SORBS2: variants seen among roughly 807,000 people sequenced by gnomAD.
SORBS2 encodes the protein sorbin and SH3 domain-containing protein 2.
A neutral mutation model predicts 97.7 loss-of-function variants in SORBS2; 46 were observed. That is an observed-to-expected ratio of 0.47 (90% CI 0.37 to 0.60). SORBS2 has a LOEUF of 0.60. Ranked by LOEUF, SORBS2 falls within the 20% of genes least tolerant of loss-of-function variation. SORBS2 has a pLI of 0.00. For synonymous variants in SORBS2, 476 were observed against 473.4 expected, an observed-to-expected ratio of 1.01 and a Z score of -0.07; for missense variants, 1,316 against 1,282.3, an observed-to-expected ratio of 1.03 and a Z score of -0.40.
At chr4:185,672,640 G>GT (rs1389778757) in intron 4 of SORBS2, among the ~76,000 whole-genome samples, 3 of 152,204 alleles carry the variant, frequency 2.0e-5, no homozygotes, top group African/African-American at 7.2e-5. Flanking sequence ...GTGACCTGTA[G>GT]TTTTCTTCTT....
intron 1 of SORBS2, among the ~76,000 whole-genome samples, chr4:185,892,540 T>C (rs1228506336): frequency 1.3e-5 from 2 of 152,196 alleles, no homozygotes; most frequent in Admixed American, 6.5e-5. Context: ...GACAAGTGAA[T>C]GGGTAAACAA....
intron 2 of SORBS2, among the ~76,000 whole-genome samples, chr4:185,730,074 T>G (rs900495680): frequency 5.9e-5 from 9 of 152,154 alleles, no homozygotes; most frequent in African/African-American, 2.2e-4. Context: ...TGCCTCAGCC[T>G]CCCGAGTAGC....
rs576320036 is a variant in SORBS2, at chr4:185,684,697, G to C, written c.-197-5875C>G. 7 of 1,211,426 alleles carry C rather than the reference G, an allele frequency of 5.8e-6. No individual in the cohort carries two copies. In the South Asian group the frequency reaches 6.7e-5, roughly 12 times the overall value. 75.0% of individuals were successfully genotyped at this position (1,211,426 alleles called of 1,614,324 possible). On this transcript the variant is annotated intron_variant, in intron 2 of 20. Transcript: ENST00000284776. This position sits in a 1 kb window ranked among gnomAD's most constrained non-coding sequence, Gnocchi z 4.2. The stretch of plus-strand genomic sequence containing the variant: ...GCTTTTTACGTTTAGAACAAAAACA[G>C]TCAGAAGAGCTAGAAGCCATTCAAG...
chr4:185,653,401 G>A (rs532260299), intron 1 of SORBS2, among the ~76,000 whole-genome samples: 1 of 152,200 alleles, frequency 6.6e-6, no homozygotes, highest in Non-Finnish European at 1.5e-5. Context: ...TCGGACATGA[G>A]GGGAGCAGTA....
chr4:185,703,142 CAT>C (rs992362875), intron 2 of SORBS2, among the ~76,000 whole-genome samples: 11 of 152,174 alleles, frequency 7.2e-5, no homozygotes, highest in African/African-American at 2.2e-4. Context: ...TTATATATTA[CAT>C]GTCTTTCTAT....
At chr4:185,705,645 T>C (rs1208655876) in intron 2 of SORBS2, among the ~76,000 whole-genome samples, 2 of 151,762 alleles carry the variant, frequency 1.3e-5, no homozygotes. Flanking sequence ...GTTTTTTCAC[T>C]GCTATACACT....
chr4:185,669,991 G>GGC (rs1302106626), intron 4 of SORBS2, among the ~76,000 whole-genome samples: 1 of 152,156 alleles, frequency 6.6e-6, no homozygotes, highest in African/African-American at 2.4e-5. Context: ...GGCTGAGGCG[G>GGC]GCAGATCACC....
intron 2 of SORBS2, among the ~76,000 whole-genome samples, chr4:185,697,380 T>G (rs891479563): frequency 6.6e-6 from 1 of 152,190 alleles, no homozygotes; most frequent in Non-Finnish European, 1.5e-5. Flanking sequence ...CACACCCAGC[T>G]TAGCAACATG....
intron 12 of SORBS2, among the ~76,000 whole-genome samples, chr4:185,611,436 A>G (rs1045121879): frequency 2.0e-5 from 3 of 151,798 alleles, no homozygotes; most frequent in South Asian, 2.1e-4. Context: ...ATATATAAAA[A>G]TGAAGCTTTA....
intron 2 of SORBS2, chr4:185,771,065 C>A (rs1190535738): frequency 6.7e-6 from 1 of 148,974 alleles, no homozygotes; most frequent in East Asian, 2.0e-4. Flanking sequence ...ACTGCACCCT[C>A]CGCCTCCCAG....
In SORBS2 at chr4:185,653,428, T is replaced by C. The variant is rs184336107; in HGVS notation, c.25-700A>G. ...GGAGCAGTAGGCTGTAGTGGAAAGA[T>C]GAAATTAATGTAGAGTCTTGAACTA... is the stretch of plus-strand genomic sequence containing the variant. On this transcript the variant is annotated intron_variant, in intron 1 of 14. Transcript: ENST00000418609. Among the ~76,000 whole-genome samples, 570 of 152,254 alleles carry C rather than the reference T, an allele frequency of 3.7e-3. 2 individuals carry two copies. The highest frequency in any genetic ancestry group is 0.013 in the African/African-American group (538 of 41,562).
intron 12 of SORBS2, among the ~76,000 whole-genome samples, chr4:185,598,588 G>A (rs1042590420): frequency 1.3e-5 from 2 of 152,152 alleles, no homozygotes; most frequent in Admixed American, 6.5e-5. Flanking sequence ...CTTAAAGAAG[G>A]ATTGACTGTT....
At chr4:185,941,777 T>C (rs141008974) in intron 1 of SORBS2, among the ~76,000 whole-genome samples, 97 of 152,302 alleles carry the variant, frequency 6.4e-4, no homozygotes, top group African/African-American at 2.2e-3. Context: ...GAAAGAACGT[T>C]AGAGATTACA....
intron 1 of SORBS2, among the ~76,000 whole-genome samples, chr4:185,835,039 G>A (rs530209626): frequency 2.6e-5 from 4 of 152,238 alleles, no homozygotes; most frequent in East Asian, 1.9e-4. Flanking sequence ...TGGAGATCTG[G>A]TTATTTAAAA....
intron 4 of SORBS2, among the ~76,000 whole-genome samples, chr4:185,672,632 G>A (rs182368827): frequency 3.9e-5 from 6 of 152,302 alleles, no homozygotes; most frequent in Admixed American, 2.6e-4. Context: ...TTCTAACAGT[G>A]ACCTGTAGTT....
At chr4:185,918,872 T>A (rs73021841) in intron 1 of SORBS2, among the ~76,000 whole-genome samples, 28,197 of 152,156 alleles carry the variant, frequency 0.19, 3,443 homozygotes, top group African/African-American at 0.35. Context: ...TCCACGTATG[T>A]TCACCCAGTA....
At chr4:185,641,191 G>A (rs998808389) in intron 4 of SORBS2, among the ~76,000 whole-genome samples, 3 of 151,876 alleles carry the variant, frequency 2.0e-5, no homozygotes, top group African/African-American at 7.3e-5. Flanking sequence ...ACCTTAGAAT[G>A]GCAGTTTTCC....
At chr4:185,690,183 A>G (rs1582812270) in intron 2 of SORBS2, among the ~76,000 whole-genome samples, 1 of 152,214 alleles carries the variant, frequency 6.6e-6, no homozygotes, top group African/African-American at 2.4e-5. Flanking sequence ...CAACATAAAG[A>G]GTTTATAGAA....
intron 1 of SORBS2, among the ~76,000 whole-genome samples, chr4:185,881,426 G>C (rs975283279): frequency 3.3e-5 from 5 of 152,172 alleles, no homozygotes; most frequent in African/African-American, 1.2e-4. Flanking sequence ...AGTGGGTACA[G>C]AATAATTGAC....
Sources: allele counts gnomAD v4.1 joint callset (sites outside exome capture counted in the v4.1 genomes callset), GRCh38; gene constraint gnomAD v4.1.1; non-coding constraint Gnocchi (gnomAD v3.1); transcripts MANE v1.5; gene names NCBI Gene and HGNC (gene_info 2026-07-23, HGNC 2026-07-21).